The following DEAF1 variants were observed in gnomAD, a reference collection of about 807,000 sequenced individuals.
DEAF1 encodes the protein deformed epidermal autoregulatory factor 1 homolog.
DEAF1 carries 53 observed loss-of-function variants against 58.9 expected under a neutral mutation model. That is an observed-to-expected ratio of 0.90 (90% CI 0.72 to 1.13). The LOEUF is 1.13. Ranked by LOEUF, DEAF1 falls within the 50% of genes most tolerant of loss-of-function variation. The pLI is 0.00. For missense variants in DEAF1, 685 were observed against 791.4 expected (o/e 0.87, Z 1.61); for synonymous variants, 385 against 340.4 (o/e 1.13, Z -1.44).
chr11:703,897 T>C, intron 1 of DEAF1: 1 of 1,240,564 alleles, frequency 8.1e-7, no homozygotes, highest in Non-Finnish European at 1.0e-6. Flanking sequence ...ACTCCAGTTT[T>C]ATCAGCTTTT....
intron 10 of DEAF1, among the ~76,000 whole-genome samples, chr11:667,387 GGAGA>G (rs1252695216): frequency 2.8e-5 from 4 of 142,120 alleles, no homozygotes; most frequent in Non-Finnish European, 4.6e-5. Context: ...AAGGAAGGAA[GGAGA>G]GAGGGAGGGA....
intron 1 of DEAF1, chr11:700,296 G>A (rs994835853): frequency 1.2e-5 from 17 of 1,460,332 alleles, no homozygotes; most frequent in African/African-American, 2.8e-5. Context: ...GGAGGCTGAG[G>A]TGGGCGGATC....
At chr11:669,203 T>C (rs1322796435) in intron 10 of DEAF1, among the ~76,000 whole-genome samples, 2 of 149,264 alleles carry the variant, frequency 1.3e-5, no homozygotes, top group African/African-American at 4.9e-5. Context: ...CTCAAGACCT[T>C]GGCCTCCCAA....
Position 703,852 on chromosome 11 carries a change from A to G in DEAF1, c.-438+2720T>C, listed in dbSNP as rs898655088. 7.3e-6 allele frequency: 9 copies of G among 1,235,664 alleles called. No homozygotes were observed. In the African/African-American group the frequency reaches 1.4e-4, roughly 19 times the overall value. The allele number at this position is 1,235,664 out of a possible 1,614,324, so 76.5% of individuals were successfully genotyped here. A position where few individuals can be genotyped will look rare whatever the true frequency, so the allele number is the denominator to read the frequency against. On this transcript the variant is annotated intron_variant, in intron 1 of 11. Transcript: ENST00000683307. ...GGCCGGGGATGAGACTGCAGGAGAG[A>G]GAGCAGCGGAGGGCCACATTCGGAG...
At chr11:698,146 TCA>T (rs1861283927), upstream of DEAF1, 2 of 153,238 alleles carry the variant, frequency 1.3e-5, no homozygotes, top group Non-Finnish European at 2.9e-5. Context: ...CGTGCACATA[TCA>T]CACGTGCAAC....
chr11:682,598 A>G lies in DEAF1; in HGVS notation c.871-1509T>C, dbSNP rs569640619. On this transcript the variant is annotated intron_variant, in intron 6 of 11. Coordinates refer to ENST00000382409, the MANE Select transcript of DEAF1 (RefSeq NM_021008.4). ...TTTTGGGCTGAATGTCTGAGCCCCTACTATAGACCTAGAGGCAGGAACAGT... is the reference window on the plus strand; with the variant it reads ...TTTTGGGCTGAATGTCTGAGCCCCTGCTATAGACCTAGAGGCAGGAACAGT... 3.3e-5 allele frequency among the ~76,000 whole-genome samples: 5 copies of G among 152,226 alleles called. No individual in the cohort carries two copies. In the East Asian group the frequency reaches 9.7e-4, roughly 29 times the overall value.
intron 6 of DEAF1, 137 bp from the exon 7 acceptor site, chr11:681,226 A>T: frequency 8.2e-7 from 1 of 1,224,082 alleles, no homozygotes; most frequent in Non-Finnish European, 1.2e-6. Flanking sequence ...AAGCGCCCCT[A>T]AAGATCCCAC....
intron 9 of DEAF1, among the ~76,000 whole-genome samples, chr11:677,453 C>T (rs1171079282): frequency 9.7e-6 from 1 of 103,326 alleles, no homozygotes; most frequent in Admixed American, 1.1e-4. Flanking sequence ...AGCCACCACG[C>T]CCAGCCCTGA....
upstream of DEAF1, among the ~76,000 whole-genome samples, chr11:697,267 T>C (rs1453529963): frequency 1.3e-5 from 2 of 152,162 alleles, no homozygotes; most frequent in African/African-American, 4.8e-5. Context: ...AAAAACTAAG[T>C]GTATACCAAA....
chr11:686,474 T>G lies in DEAF1; in HGVS notation c.804+384A>C, dbSNP rs75179664. On this transcript the variant is annotated intron_variant, in intron 5 of 11. Transcript: ENST00000382409. ...AATAGGAATTAGAAGTCCTCTTTTC[T>G]TAGTAGACTGACGAGAAGTTAGGTG... 5.3e-5 allele frequency among the ~76,000 whole-genome samples: 8 copies of G among 152,292 alleles called. No homozygotes were observed. The East Asian group carries it at 1.5e-3, about 29-fold the overall frequency.
At chr11:676,012 G>A (rs375891689) in intron 9 of DEAF1, among the ~76,000 whole-genome samples, 2 of 39,600 alleles carry the variant, frequency 5.1e-5, no homozygotes, top group African/African-American at 2.0e-4. Flanking sequence ...CCCGGCACCC[G>A]ACACCCCCCA....
intron 10 of DEAF1, among the ~76,000 whole-genome samples, chr11:671,922 C>T (rs765555684): frequency 6.6e-6 from 1 of 151,842 alleles, no homozygotes; most frequent in Non-Finnish European, 1.5e-5. Flanking sequence ...CTCTTCTGCT[C>T]GCCTGTCACC....
At chr11:648,627 G>A (rs1858612019) in intron 11 of DEAF1, among the ~76,000 whole-genome samples, 1 of 152,168 alleles carries the variant, frequency 6.6e-6, no homozygotes. Flanking sequence ...AGCTCAGTAA[G>A]TGCTTATATT....
At chr11:706,603 G>C (rs986739488) in exon 1 of DEAF1, 1 of 152,740 alleles carries the variant, frequency 6.5e-6, no homozygotes, top group Non-Finnish European at 1.5e-5. Context: ...CAGCTCTGGG[G>C]CTTGGTGGGG....
Position 691,592 on chromosome 11 carries a change from G to A in DEAF1, c.296C>T (p.Thr99Ile). The change falls in exon 2 of 12, where the codon ACC becomes ATC. Residue 99 changes from threonine to isoleucine, a missense_variant. This residue lies in a region of DEAF1 where 210 missense variants were observed against 177.3 expected (regional missense o/e 1.18). Transcript: ENST00000382409. The part of the protein sequence containing the change: ...AAAAAAFAEV[T>I]TVTVANVGAA... ...CCCCACGTTGGCCACTGTCACTGTG[G>A]TCACCTCTGCAACAGAAGGAGCCTC... 6.2e-7 allele frequency: 1 copy of A among 1,613,480 alleles called. No individual in the cohort carries two copies.
intron 6 of DEAF1, among the ~76,000 whole-genome samples, chr11:683,927 C>T (rs1860478571): frequency 6.6e-6 from 1 of 152,276 alleles, no homozygotes; most frequent in Admixed American, 6.5e-5. Flanking sequence ...ATGGGACCGA[C>T]GTCTCCTCCC....
chr11:695,454 G>C (rs1861083817), upstream of DEAF1: 1 of 532,058 alleles, frequency 1.9e-6, no homozygotes. Context: ...CGGCCGACAG[G>C]GCTGGACGGC....
chr11:707,018 C>A (rs1861741863), exon 1 of DEAF1, among the ~76,000 whole-genome samples: 1 of 151,996 alleles, frequency 6.6e-6, no homozygotes, highest in Non-Finnish European at 1.5e-5. Context: ...GAGGGGGAGG[C>A]AGGGCCGGGC....
upstream of DEAF1, chr11:700,065 A>AC (rs1861373155): frequency 1.4e-5 from 17 of 1,214,360 alleles, no homozygotes; most frequent in Non-Finnish European, 1.9e-5. Context: ...AGATGACAGA[A>AC]CCAGCCCCTC....
Sources: allele counts gnomAD v4.1 joint callset (sites outside exome capture counted in the v4.1 genomes callset), GRCh38; gene constraint gnomAD v4.1.1; regional missense constraint gnomAD v4.1.1; transcripts MANE v1.5; gene names NCBI Gene and HGNC (gene_info 2026-07-23, HGNC 2026-07-21).